Variants in NFIX observed in about 807,000 individuals in gnomAD.
NFIX encodes the protein nuclear factor I X.
Under a neutral mutation model 53.3 loss-of-function variants are expected in NFIX, and 2 were observed. The ratio of observed to expected loss-of-function variants is 0.04; its 90% confidence interval spans 0.02 to 0.12. The LOEUF is 0.12. Among genes scored for constraint, NFIX ranks in the 10% least tolerant of loss-of-function variants. The pLI is 1.00. For missense variants in NFIX, 310 were observed against 674.5 expected (o/e 0.46, Z 5.99); for synonymous variants, 244 against 289.0 (o/e 0.84, Z 1.58).
At chr19:13,084,130 G>T (rs1232349791) in intron 8 of NFIX, among the ~76,000 whole-genome samples, 2 of 152,196 alleles carry the variant, frequency 1.3e-5, no homozygotes, top group African/African-American at 4.8e-5. Context: ...GATCAGTTTT[G>T]CAGGAAAATG....
rs3046151 is a variant in NFIX at position 12,996,142 on chromosome 19, CGTGTGTGTGT to C, written c.27+298_27+307del. Among the ~76,000 whole-genome samples the C allele has an allele frequency of 1.5e-3, 212 of 145,790 alleles. 1 individual carries two copies. Among genetic ancestry groups the C allele is most frequent in the Admixed American group, 9.5e-4 (14 of 14,790 alleles). ...TGGAGCGCAGGCGGGAGTGCGTGTA[CGTGTGTGTGT>C]GTGTGTGTGTGTGTGTGTGCGCGCT... is the stretch of plus-strand genomic sequence containing the variant. On this transcript the variant is annotated intron_variant, in intron 1 of 10. Coordinates refer to ENST00000592199, the MANE Select transcript of NFIX (RefSeq NM_001365902.3). The surrounding 1 kb of genome is among the most constrained non-coding windows in gnomAD (Gnocchi z 5.2).
rs1032353747 is a variant in NFIX, at chr19:13,090,111, T to TG, written c.1403-182dup. 2.9e-4 allele frequency among the ~76,000 whole-genome samples: 44 copies of TG among 152,056 alleles called. No homozygotes were observed. The highest frequency in any genetic ancestry group is 4.7e-4 in the Non-Finnish European group (32 of 67,966). On this transcript the variant is annotated intron_variant, in intron 9 of 10. Transcript: ENST00000592199. This position sits in a 1 kb window ranked among gnomAD's most constrained non-coding sequence, Gnocchi z 6.6. ...AGAGGATGAGGGTGTCCCTCTGTAG[T>TG]GGGGGGCAGGCTCGGAGCCTGGCCT...
In NFIX at chr19:13,027,672, G is replaced by C. The variant is rs1046538099; in HGVS notation, c.559+2120G>C. Among the ~76,000 whole-genome samples, 2 of 152,166 alleles carry C rather than the reference G, an allele frequency of 1.3e-5. No homozygotes were observed. The highest frequency in any genetic ancestry group is 1.3e-4 in the Admixed American group (2 of 15,280). ...GAATTCTTGACTGCTGCCAGTGTGG[G>C]GCTAAGGTAGGATGAAAAGTATGTG... On this transcript the variant is annotated intron_variant, in intron 2 of 10. Transcript: ENST00000592199. The surrounding 1 kb of genome is among the most constrained non-coding windows in gnomAD (Gnocchi z 4.3).
rs1243608539 is a variant in NFIX, at chr19:13,040,132, A to C, written c.559+14580A>C. 6.6e-6 allele frequency among the ~76,000 whole-genome samples: 1 copy of C among 152,146 alleles called. No individual in the cohort carries two copies. Among genetic ancestry groups the C allele is most frequent in the East Asian group, 1.9e-4 (1 of 5,196 alleles). On this transcript the variant is annotated intron_variant, in intron 2 of 10. Coordinates refer to ENST00000592199, the MANE Select transcript of NFIX (RefSeq NM_001365902.3). The surrounding 1 kb of genome is among the most constrained non-coding windows in gnomAD (Gnocchi z 4.2). ...AAAATACTTGTTTTTATTTTATGTGAATGAGCTCTCAGGAAAATGGGGAAG... is the reference window on the plus strand; with the variant it reads ...AAAATACTTGTTTTTATTTTATGTGCATGAGCTCTCAGGAAAATGGGGAAG...
intron 2 of NFIX, among the ~76,000 whole-genome samples, chr19:13,034,581 C>T (rs2014049606): frequency 6.6e-6 from 1 of 152,186 alleles, no homozygotes; most frequent in African/African-American, 2.4e-5. Context: ...ATTCCTGATC[C>T]TTGCACTGTC....
intron 1 of NFIX, among the ~76,000 whole-genome samples, chr19:13,010,361 G>T (rs1599714891): frequency 6.6e-6 from 1 of 152,214 alleles, no homozygotes. Flanking sequence ...GCTCATGCAC[G>T]TCCCTGTCTG....
At chr19:13,077,540 A>G (rs1050847111) in intron 6 of NFIX, among the ~76,000 whole-genome samples, 6 of 152,156 alleles carry the variant, frequency 3.9e-5, no homozygotes, top group Admixed American at 6.5e-5. Context: ...AGCTGCTGCC[A>G]GATAACACCT....
In NFIX at chr19:13,008,662, G is replaced by A. The variant is rs74376513; in HGVS notation, c.27+12798G>A. 3.4e-3 allele frequency among the ~76,000 whole-genome samples: 522 copies of A among 152,278 alleles called. 5 individuals carry two copies. The highest frequency in any genetic ancestry group is 0.012 in the African/African-American group (505 of 41,548). On this transcript the variant is annotated intron_variant, in intron 1 of 10. Coordinates refer to ENST00000592199, the MANE Select transcript of NFIX (RefSeq NM_001365902.3). ...CCCAGGCCTGGAGCTCAGGGAAAACGTGGGAAACAGGCATAGGGTACGCAT... is the reference window on the plus strand; with the variant it reads ...CCCAGGCCTGGAGCTCAGGGAAAACATGGGAAACAGGCATAGGGTACGCAT...
At chr19:13,079,399 G>C (rs1052416260) in intron 7 of NFIX, among the ~76,000 whole-genome samples, 1 of 152,218 alleles carries the variant, frequency 6.6e-6, no homozygotes, top group Non-Finnish European at 1.5e-5. Context: ...CACCTAGATC[G>C]CCCTGAGGAG....
chr19:13,080,085 A>G (rs2017370038), intron 7 of NFIX, among the ~76,000 whole-genome samples: 1 of 152,092 alleles, frequency 6.6e-6, no homozygotes, highest in African/African-American at 2.4e-5. Flanking sequence ...CCAGTCTCCC[A>G]CCCAGGGCCT....
rs918068231 is a variant in NFIX, at chr19:13,037,569, A to C, written c.559+12017A>C. The stretch of plus-strand genomic sequence containing the variant: ...ATAGGGTGGGGAAGAACTAGTCTTC[A>C]TAGCCCTGAGCATAGAGGAGGAAAT... On this transcript the variant is annotated intron_variant, in intron 2 of 10. Transcript: ENST00000592199. This position sits in a 1 kb window ranked among gnomAD's most constrained non-coding sequence, Gnocchi z 4.2. Among the ~76,000 whole-genome samples the C allele has an allele frequency of 6.6e-6, 1 of 152,204 alleles. No homozygotes were observed. Among genetic ancestry groups the C allele is most frequent in the South Asian group, 2.1e-4 (1 of 4,834 alleles).
In NFIX at chr19:13,036,285, C is replaced by T. The variant is rs1258260573; in HGVS notation, c.559+10733C>T. 2.0e-5 allele frequency among the ~76,000 whole-genome samples: 3 copies of T among 152,218 alleles called. No individual in the cohort carries two copies. The highest frequency in any genetic ancestry group is 2.1e-4 in the South Asian group (1 of 4,832). ...CCTTTCTTAAAATGGGGGGATGAAG[C>T]GTCAGTCATGCTTCCAGGATTTATT... is the stretch of plus-strand genomic sequence containing the variant. On this transcript the variant is annotated intron_variant, in intron 2 of 10. Coordinates refer to ENST00000592199, the MANE Select transcript of NFIX (RefSeq NM_001365902.3). The surrounding 1 kb of genome is among the most constrained non-coding windows in gnomAD (Gnocchi z 4.7).
At position 13,089,605 on chromosome 19, in the gene NFIX, G is replaced by A. The variant is rs2018014529; in HGVS notation, c.1403-694G>A. On this transcript the variant is annotated intron_variant, in intron 9 of 10. Transcript: ENST00000592199. The surrounding 1 kb of genome is among the most constrained non-coding windows in gnomAD (Gnocchi z 4.8). The stretch of plus-strand genomic sequence containing the variant: ...AGGCCTGAGCCTTGCCACCCCCTGG[G>A]CCCAAGCCAGGCAGCCAGCTCCTAG... Among the ~76,000 whole-genome samples the A allele has an allele frequency of 6.6e-6, 1 of 152,218 alleles. No individual in the cohort carries two copies. Among genetic ancestry groups the A allele is most frequent in the East Asian group, 1.9e-4 (1 of 5,188 alleles).
chr19:13,009,443 AGGGTGGT>A lies in NFIX; in HGVS notation c.27+13583_27+13589del, dbSNP rs1453588306. 6.6e-6 allele frequency among the ~76,000 whole-genome samples: 1 copy of A among 152,194 alleles called. No individual in the cohort carries two copies. Among genetic ancestry groups the A allele is most frequent in the African/African-American group, 2.4e-5 (1 of 41,450 alleles). On this transcript the variant is annotated intron_variant, in intron 1 of 10. Coordinates refer to ENST00000592199, the MANE Select transcript of NFIX (RefSeq NM_001365902.3). The surrounding 1 kb of genome is among the most constrained non-coding windows in gnomAD (Gnocchi z 4.7). ...GTGCCAAGGTCATGGGGCTAGAAGC[AGGGTGGT>A]GGGGATTACCCAGCCAGATTCCCAG...
Position 13,088,184 on chromosome 19 carries a change from C to T in NFIX, c.1402+48C>T, listed in dbSNP as rs1015997430. On this transcript the variant is annotated intron_variant, in intron 9 of 10. Coordinates refer to ENST00000592199, the MANE Select transcript of NFIX (RefSeq NM_001365902.3). The surrounding 1 kb of genome is among the most constrained non-coding windows in gnomAD (Gnocchi z 5.9). ...ACCACAACGCCCAGCGTCCCCGGCC[C>T]GTCCAAACAGTCTCCACTGCAAAAA... The T allele has an allele frequency of 8.5e-6, 13 of 1,533,372 alleles. No homozygotes were observed. The highest frequency in any genetic ancestry group is 4.1e-5 in the African/African-American group (3 of 72,946). The allele number at this position is 1,533,372 out of a possible 1,614,324, so 95.0% of individuals were successfully genotyped here. A position where few individuals can be genotyped will look rare whatever the true frequency, so the allele number is the denominator to read the frequency against.
intron 2 of NFIX, among the ~76,000 whole-genome samples, chr19:13,029,328 A>ATT (rs538996041): frequency 6.6e-6 from 1 of 151,372 alleles, no homozygotes. Context: ...AAAATTCAGC[A>ATT]TTTTTTTTTA....
chr19:13,024,962 C>T (rs895362415), intron 1 of NFIX, 59 bp from the exon 2 acceptor site: 1 of 1,549,180 alleles, frequency 6.5e-7, no homozygotes, highest in African/African-American at 1.4e-5. Flanking sequence ...CCCCCTCATC[C>T]CGTCTTCCCC....
chr19:13,085,837 T>A (rs1032579338), intron 8 of NFIX, among the ~76,000 whole-genome samples: 1 of 152,200 alleles, frequency 6.6e-6, no homozygotes, highest in African/African-American at 2.4e-5. Context: ...CTTCCGTGAC[T>A]TTAAAGTGCA....
Position 13,073,888 on chromosome 19 carries a change from C to T in NFIX, c.698-18C>T, listed in dbSNP as rs760755359. On this transcript the variant is annotated intron_variant, in intron 4 of 10. Coordinates refer to ENST00000592199, the MANE Select transcript of NFIX (RefSeq NM_001365902.3). The surrounding 1 kb of genome is among the most constrained non-coding windows in gnomAD (Gnocchi z 4.5). Reference sequence around the variant, plus strand: ...CTCCCCCCACCTCCAAACCTCATCACCCTCTCGTTCTTCCCAGCTCCTGTT... The same window carrying T: ...CTCCCCCCACCTCCAAACCTCATCATCCTCTCGTTCTTCCCAGCTCCTGTT... The T allele has an allele frequency of 1.9e-6, 3 of 1,613,832 alleles. No homozygotes were observed. The highest frequency in any genetic ancestry group is 1.7e-6 in the Non-Finnish European group (2 of 1,179,870).
Sources: allele counts gnomAD v4.1 joint callset (sites outside exome capture counted in the v4.1 genomes callset), GRCh38; gene constraint gnomAD v4.1.1; non-coding constraint Gnocchi (gnomAD v3.1); transcripts MANE v1.5; gene names NCBI Gene and HGNC (gene_info 2026-07-23, HGNC 2026-07-21).